Variants in SYNE1 observed in about 807,000 individuals in gnomAD.
The protein encoded by SYNE1 is nesprin-1.
In SYNE1, 616 loss-of-function variants were observed where a neutral mutation model predicts 1,111.0. The observed-to-expected ratio is 0.55, with a 90% confidence interval of 0.52 to 0.59. SYNE1 has a LOEUF of 0.59. Among genes scored for constraint, SYNE1 ranks in the 20% least tolerant of loss-of-function variants. The pLI is 0.00. For missense variants in SYNE1, 10,006 were observed against 10,417.0 expected (o/e 0.96, Z 1.72); for synonymous variants, 3,855 against 3,825.8 (o/e 1.01, Z -0.28).
At chr6:152,546,458 C>G (rs2099313759) in intron 3 of SYNE1, 1 of 152,076 alleles carries the variant, frequency 6.6e-6, no homozygotes, top group African/African-American at 2.4e-5. Flanking sequence ...AATAATATGA[C>G]AGAAGTGATT....
At chr6:152,421,224 A>G (rs2098254123) in intron 39 of SYNE1, among the ~76,000 whole-genome samples, 1 of 152,246 alleles carries the variant, frequency 6.6e-6, no homozygotes. Flanking sequence ...TAGGACCTTT[A>G]GAAGAAAGGA....
intron 42 of SYNE1, among the ~76,000 whole-genome samples, chr6:152,412,851 A>ATTTTTTTTTTTTTT (rs373723820): frequency 2.3e-5 from 3 of 131,660 alleles, no homozygotes; most frequent in Non-Finnish European, 3.2e-5. Context: ...TTCACATGTA[A>ATTTTTTTTTTTTTT]TTTTTTTTTT....
intron 48 of SYNE1, 30 bp from the exon 49 acceptor site, chr6:152,398,761 A>G: frequency 6.4e-7 from 1 of 1,566,402 alleles, no homozygotes; most frequent in Non-Finnish European, 8.7e-7. Flanking sequence ...ATAAATAAAA[A>G]TAAAAAATCA....
chr6:152,551,574 A>G (rs117953031), intron 3 of SYNE1, among the ~76,000 whole-genome samples: 3,656 of 152,324 alleles, frequency 0.024, 67 homozygotes, highest in Non-Finnish European at 0.036. Context: ...TCACAGTCCA[A>G]GTTTTGTAAA....
At position 152,369,518 on chromosome 6, in the gene SYNE1, G is replaced by T; in HGVS notation, c.9604C>A (p.Arg3202Ser). The T allele has an allele frequency of 6.2e-7, 1 of 1,614,170 alleles. No individual in the cohort carries two copies. Among genetic ancestry groups the T allele is most frequent in the South Asian group, 1.1e-5 (1 of 91,090 alleles). The change falls in exon 60 of 146, where the codon CGC becomes AGC. Residue 3202 changes from arginine (R) to serine (S), a missense_variant. Transcript: ENST00000367255. Reference sequence around the variant, plus strand: ...CTCTTTGCTGGCAGATCATAGAGGCGATTGCTGCTTTCATGGACCATCTTC... The same window carrying T: ...CTCTTTGCTGGCAGATCATAGAGGCTATTGCTGCTTTCATGGACCATCTTC... ...TEKMVHESSNRLYDLPAKRRE... is the reference protein window; with the variant it reads ...TEKMVHESSNSLYDLPAKRRE...
intron 139 of SYNE1, 29 bp from the exon 140 acceptor site, chr6:152,140,190 T>C: frequency 6.2e-7 from 1 of 1,609,046 alleles, no homozygotes; most frequent in Non-Finnish European, 8.5e-7. Flanking sequence ...AACAGTGAGG[T>C]TATTTTCCTC....
intron 4 of SYNE1, among the ~76,000 whole-genome samples, chr6:152,528,964 C>G (rs1275359852): frequency 6.6e-6 from 1 of 152,052 alleles, no homozygotes; most frequent in South Asian, 2.1e-4. Flanking sequence ...GTATAAAATC[C>G]TGGGCTCTAA....
At chr6:152,617,480 A>G (rs2099660143) in intron 3 of SYNE1, among the ~76,000 whole-genome samples, 1 of 152,228 alleles carries the variant, frequency 6.6e-6, no homozygotes, top group South Asian at 2.1e-4. Flanking sequence ...TTACGTTTAC[A>G]TTTGCTTTCA....
At position 152,495,872 on chromosome 6, in the gene SYNE1, A is replaced by G. The variant is rs184830040; in HGVS notation, c.939+2870T>C. Among the ~76,000 whole-genome samples the G allele has an allele frequency of 7.2e-5, 11 of 152,310 alleles. No individual in the cohort carries two copies. The East Asian group carries it at 1.9e-3, about 27-fold the overall frequency. On this transcript the variant is annotated intron_variant, in intron 11 of 145. Coordinates refer to ENST00000367255, the MANE Select transcript of SYNE1 (RefSeq NM_182961.4). ...CCATTGCTCCATCTGTAAGGGTGCA[A>G]CCTTCTATAGAAGTAACTTGCCTTG...
Position 152,316,222 on chromosome 6 carries a change from C to T in SYNE1, c.16710+627G>A, listed in dbSNP as rs866612278. 9.0e-5 allele frequency: 14 copies of T among 155,196 alleles called. No homozygotes were observed. The South Asian group carries it at 1.8e-3, about 20-fold the overall frequency. 9.6% of individuals were successfully genotyped at this position (155,196 alleles called of 1,614,324 possible). ...GACTCATGGCTTGCTCTGGGCTGCC[C>T]GACCTCCTGTGGAAGGCCAGATGAC... On this transcript the variant is annotated intron_variant, in intron 87 of 145. Transcript: ENST00000367255.
At chr6:152,586,090 T>C (rs80064565) in intron 3 of SYNE1, among the ~76,000 whole-genome samples, 2,235 of 152,302 alleles carry the variant, frequency 0.015, 53 homozygotes, top group African/African-American at 0.05. Context: ...CCTGAGTATA[T>C]ATATGTCTAA....
intron 137 of SYNE1, chr6:152,146,082 G>A (rs2059462061): frequency 6.3e-6 from 1 of 159,326 alleles, no homozygotes; most frequent in South Asian, 1.5e-4. Context: ...GTTTTTATGA[G>A]CCAGGCTCTG....
At chr6:152,162,028 C>T (rs2062611835) in intron 131 of SYNE1, among the ~76,000 whole-genome samples, 1 of 152,200 alleles carries the variant, frequency 6.6e-6, no homozygotes, top group South Asian at 2.1e-4. Flanking sequence ...CCCAGAGTCC[C>T]TCTGGTTTGC....
At chr6:152,629,863 C>T (rs2099694955) in intron 2 of SYNE1, among the ~76,000 whole-genome samples, 1 of 151,790 alleles carries the variant, frequency 6.6e-6, no homozygotes, top group South Asian at 2.1e-4. Flanking sequence ...AAGCAAAACT[C>T]CTAAAGAAAG....
chr6:152,185,105 G>A (rs899114905), intron 128 of SYNE1, among the ~76,000 whole-genome samples: 2 of 152,100 alleles, frequency 1.3e-5, no homozygotes, highest in Non-Finnish European at 2.9e-5. Flanking sequence ...CAATTACGAT[G>A]ATGACATATA....
chr6:152,397,499 T>C (rs1005899971), intron 49 of SYNE1, among the ~76,000 whole-genome samples: 3 of 152,226 alleles, frequency 2.0e-5, no homozygotes, highest in Non-Finnish European at 4.4e-5. Flanking sequence ...GTATGTCACC[T>C]GTTACTCAGG....
At chr6:152,196,793 C>A (rs9479259) in intron 127 of SYNE1, among the ~76,000 whole-genome samples, 1 of 151,884 alleles carries the variant, frequency 6.6e-6, no homozygotes, top group South Asian at 2.1e-4. Context: ...GGTGTGTCAC[C>A]GGGTCATGTA....
At chr6:152,531,135 A>G (rs2099198291) in intron 4 of SYNE1, among the ~76,000 whole-genome samples, 3 of 152,190 alleles carry the variant, frequency 2.0e-5, no homozygotes, top group Admixed American at 2.0e-4. Flanking sequence ...TGATGCTGTC[A>G]ATTTGGATAT....
chr6:152,247,727 T>TTATATATATATATA (rs1183787546), intron 105 of SYNE1, among the ~76,000 whole-genome samples: 3 of 117,782 alleles, frequency 2.5e-5, no homozygotes, highest in Non-Finnish European at 5.0e-5. Flanking sequence ...ATATTTTTTA[T>TTATATATATATATA]TATATATATA....
Sources: allele counts gnomAD v4.1 joint callset (sites outside exome capture counted in the v4.1 genomes callset), GRCh38; gene constraint gnomAD v4.1.1; transcripts MANE v1.5; gene names NCBI Gene and HGNC (gene_info 2026-07-23, HGNC 2026-07-21).